PRRC2A: variants seen among roughly 807,000 people sequenced by gnomAD.
PRRC2A encodes the protein protein PRRC2A.
In PRRC2A, 59 loss-of-function variants were observed where a neutral mutation model predicts 224.6. The ratio of observed to expected loss-of-function variants is 0.26; its 90% CI spans 0.21 to 0.33. The LOEUF (loss-of-function observed/expected upper bound fraction) is 0.33, where lower values mean the gene tolerates loss of function less well. Ranked by LOEUF, PRRC2A falls within the 10% of genes least tolerant of loss-of-function variation. The pLI, the probability that PRRC2A is intolerant of heterozygous loss-of-function variation, is 1.00. For missense variants in PRRC2A, 3,095 were observed against 2,880.7 expected, an observed-to-expected ratio of 1.07 and a Z score of -1.70; for synonymous variants, 1,194 against 1,109.5, an observed-to-expected ratio of 1.08 and a Z score of -1.51.
At position 31,632,575 on chromosome 6, in the gene PRRC2A, G is replaced by C. The variant is rs771682422; in HGVS notation, c.3902G>C (p.Arg1301Pro). The C allele has an allele frequency of 3.7e-6, 6 of 1,612,676 alleles. No individual in the cohort carries two copies. The highest frequency in any genetic ancestry group is 2.2e-5 in the South Asian group (2 of 91,050). Residue 1301 changes from arginine (R) to proline (P), a missense_variant, in exon 16 of 31, where the codon CGG becomes CCG. This residue lies in a region of PRRC2A where 2,001 missense variants were observed against 1,764.9 expected (regional missense o/e 1.13). Coordinates refer to ENST00000376033, the MANE Select transcript of PRRC2A (RefSeq NM_004638.4). Reference protein sequence around the residue: ...TTVTVAPAPRRAAAKSPDLSN... With the variant: ...TTVTVAPAPRPAAAKSPDLSN... ...GTCACAGTGGCCCCAGCACCTCGCC[G>C]GGCAGCTGCCAAGTCTCCTGATCTG... is the stretch of plus-strand genomic sequence containing the variant.
Position 31,625,323 on chromosome 6 carries a change from C to CT in PRRC2A, c.607+10dup. 6.2e-7 allele frequency: 1 copy of CT among 1,614,010 alleles called. No homozygotes were observed. The highest frequency in any genetic ancestry group is 1.1e-5 in the South Asian group (1 of 91,084). On this transcript the variant is annotated intron_variant, in intron 6 of 30. Transcript: ENST00000376033. The surrounding 1 kb of genome is among the most constrained non-coding windows in gnomAD (Gnocchi z 4.1). ...AAGCCTCCGCCCCCAAAGTGAGTGG[C>CT]TGCCTTTTGGCCAAGACATTACCTA...
In PRRC2A at chr6:31,628,036, C is replaced by T. The variant is rs1335725582; in HGVS notation, c.1562C>T (p.Pro521Leu). 2 of 1,612,678 alleles carry T rather than the reference C, an allele frequency of 1.2e-6. No homozygotes were observed. Among genetic ancestry groups the T allele is most frequent in the Non-Finnish European group, 1.7e-6 (2 of 1,179,866 alleles). The part of the protein sequence containing the change: ...PPAAPSTPAP[P>L]PAVPKELPAP... ...GCTGCCCCTTCTACCCCAGCTCCAC[C>T]ACCTGCAGTCCCTAAAGAACTCCCT... is the stretch of plus-strand genomic sequence containing the variant. Residue 521 changes from proline (P) to leucine (L), a missense_variant, in exon 12 of 31, where the codon CCA (proline) becomes CTA (leucine). Coordinates refer to ENST00000376033, the MANE Select transcript of PRRC2A (RefSeq NM_004638.4).
At position 31,632,080 on chromosome 6, in the gene PRRC2A, C is replaced by T. The variant is rs1476292027; in HGVS notation, c.3407C>T (p.Pro1136Leu). Residue 1136 changes from proline (P) to leucine (L), a missense_variant, in exon 16 of 31, where the codon CCT becomes CTT. Physicochemically the swap from Pro to Leu is moderately conservative, Grantham distance 98 (BLOSUM62 -3). This residue lies in a region of PRRC2A where 2,001 missense variants were observed against 1,764.9 expected (regional missense o/e 1.13). Coordinates refer to ENST00000376033, the MANE Select transcript of PRRC2A (RefSeq NM_004638.4). ...TPKEGTLTQV[P>L]LAPPPPGAPP... ...AAGGAGGGAACACTCACCCAGGTCC[C>T]TCTCGCTCCCCCACCACCAGGAGCC... 4.5e-6 allele frequency: 7 copies of T among 1,554,762 alleles called. No individual in the cohort carries two copies. The highest frequency in any genetic ancestry group is 4.1e-5 in the African/African-American group (3 of 73,268).
At chr6:31,622,520 G>A (rs998807598) in intron 1 of PRRC2A, among the ~76,000 whole-genome samples, 170 bp from the exon 2 acceptor site, 3 of 152,200 alleles carry the variant, frequency 2.0e-5, no homozygotes, top group Non-Finnish European at 4.4e-5. Context: ...GTGTCTGGGG[G>A]AAAGGAGGGA....
rs1160752922 is a variant in PRRC2A, at chr6:31,620,841, C to T, written c.-118C>T. The stretch of plus-strand genomic sequence containing the variant: ...GAGCCCCTAGGCCCGGGTCCCGGAT[C>T]CCCGCGCACCCGGCCAGGTGAGTCT... On this transcript the variant is annotated 5_prime_UTR_variant, in exon 1 of 31. Transcript: ENST00000376033. 2.0e-5 allele frequency: 3 copies of T among 153,196 alleles called. No homozygotes were observed. The highest frequency in any genetic ancestry group is 7.2e-5 in the African/African-American group (3 of 41,462). The allele number at this position is 153,196 out of a possible 1,614,324, so 9.5% of individuals were successfully genotyped here.
Position 31,637,374 on chromosome 6 carries a change from G to C in PRRC2A, c.6333+50G>C, listed in dbSNP as rs1274892624. On this transcript the variant is annotated intron_variant, in intron 30 of 30. Coordinates refer to ENST00000376033, the MANE Select transcript of PRRC2A (RefSeq NM_004638.4). ...CAACTCTAAATTCGAGTTGCCACCT[G>C]ATTTCCTGTCCTTCCGTCTCATCGC... 7.5e-6 allele frequency: 12 copies of C among 1,602,222 alleles called. No homozygotes were observed. In the South Asian group the frequency reaches 1.3e-4, roughly 18 times the overall value.
In PRRC2A at chr6:31,631,408, GC is replaced by G; in HGVS notation, c.2741del (p.Pro914HisfsTer39). On this transcript the variant is annotated frameshift_variant, in exon 16 of 31. Coordinates refer to ENST00000376033, the MANE Select transcript of PRRC2A (RefSeq NM_004638.4). LOFTEE classifies it high-confidence loss of function. The surrounding 1 kb of genome is among the most constrained non-coding windows in gnomAD (Gnocchi z 4.5). ...CGCGGAGTCGGGAGTGGAGGCCAGG[GC>G]CCCCCACCACCACGCAGAGAGAGTC... The part of the protein sequence containing the change: ...PARGVGSGGQ[G>X]PPPPRRESRT... 1 of 1,608,966 alleles carries G rather than the reference GC, an allele frequency of 6.2e-7. No homozygotes were observed. The highest frequency in any genetic ancestry group is 8.5e-7 in the Non-Finnish European group (1 of 1,178,560).
Position 31,622,800 on chromosome 6 carries a change from G to C in PRRC2A, c.11G>C (p.Arg4Pro). The part of the protein sequence containing the change: MSD[R>P]SGPTAKGKDG... ...TGAGCTTCCAGCGCAATGTCCGATC[G>C]CTCGGGGCCGACTGCCAAGGGAAAG... Residue 4 changes from arginine to proline, a missense_variant, in exon 2 of 31, where the codon CGC becomes CCC. This residue lies in a region of PRRC2A where 64 missense variants were observed against 68.2 expected (regional missense o/e 0.94). Coordinates refer to ENST00000376033, the MANE Select transcript of PRRC2A (RefSeq NM_004638.4). 3 of 1,613,566 alleles carry C rather than the reference G, an allele frequency of 1.9e-6. No homozygotes were observed. Among genetic ancestry groups the C allele is most frequent in the Non-Finnish European group, 1.7e-6 (2 of 1,179,910 alleles).
At chr6:31,633,075 A>G in intron 16 of PRRC2A, 83 bp downstream of exon 16, 1 of 1,426,636 alleles carries the variant, frequency 7.0e-7, no homozygotes, top group Non-Finnish European at 9.2e-7. Flanking sequence ...GTTTGGGTGG[A>G]GTGGAGATTG....
At chr6:31,623,371 G>A (rs1023727709) in intron 2 of PRRC2A, among the ~76,000 whole-genome samples, 3 of 148,178 alleles carry the variant, frequency 2.0e-5, no homozygotes, top group Middle Eastern at 3.3e-3. Context: ...GGGTTTAAGC[G>A]ATTATCCTGC....
intron 2 of PRRC2A, chr6:31,623,220 A>G (rs1273046219): frequency 1.6e-6 from 1 of 638,514 alleles, no homozygotes; most frequent in Admixed American, 1.9e-5. Context: ...AAAGTATTGA[A>G]TGTTACATAT....
rs1166284569 is a variant in PRRC2A at position 31,622,860 on chromosome 6, A to T, written c.71A>T (p.Asp24Val). The T allele has an allele frequency of 6.2e-7, 1 of 1,613,960 alleles. No homozygotes were observed. The highest frequency in any genetic ancestry group is 8.5e-7 in the Non-Finnish European group (1 of 1,180,002). Residue 24 changes from aspartate to valine, a missense_variant, in exon 2 of 31, where the codon GAT becomes GTT. By Grantham distance (152) the Asp-to-Val change is radical. Coordinates refer to ENST00000376033, the MANE Select transcript of PRRC2A (RefSeq NM_004638.4). Reference sequence around the variant, plus strand: ...AAGTATTCCTCGCTCAACCTGTTTGATACGTATAAGGGCAAGTCCTTAGAG... The same window carrying T: ...AAGTATTCCTCGCTCAACCTGTTTGTTACGTATAAGGGCAAGTCCTTAGAG... ...GKKYSSLNLF[D>V]TYKGKSLEIQ...
At position 31,627,541 on chromosome 6, in the gene PRRC2A, C is replaced by T. The variant is rs1028972043; in HGVS notation, c.1291-224C>T. Among the ~76,000 whole-genome samples the T allele has an allele frequency of 4.6e-5, 7 of 152,112 alleles. No homozygotes were observed. Among genetic ancestry groups the T allele is most frequent in the Non-Finnish European group, 7.4e-5 (5 of 68,022 alleles). ...GTCCAAGCTACTCAGCAGGCTGAAG[C>T]AGAAGGATCACTTGAGCCCAAGTTC... is the stretch of plus-strand genomic sequence containing the variant. On this transcript the variant is annotated intron_variant, in intron 11 of 30. Coordinates refer to ENST00000376033, the MANE Select transcript of PRRC2A (RefSeq NM_004638.4). The surrounding 1 kb of genome is among the most constrained non-coding windows in gnomAD (Gnocchi z 5.6).
chr6:31,630,786 A>G lies in PRRC2A; in HGVS notation c.2450A>G (p.Asp817Gly). 1 of 1,614,122 alleles carries G rather than the reference A, an allele frequency of 6.2e-7. No homozygotes were observed. Among genetic ancestry groups the G allele is most frequent in the Non-Finnish European group, 8.5e-7 (1 of 1,180,002 alleles). ...TSPLRQAADEDDKGMRSETPP... is the reference protein window; with the variant it reads ...TSPLRQAADEGDKGMRSETPP... ...CCTCTGCGCCAGGCTGCGGATGAGG[A>G]TGACAAGGGGATGAGGTGAGTCTTG... is the stretch of plus-strand genomic sequence containing the variant. Residue 817 changes from aspartate (D) to glycine (G), a missense_variant, in exon 15 of 31, where the codon GAT (aspartate) becomes GGT (glycine). Around this residue, in one of 8 missense-constraint regions of PRRC2A, gnomAD observed 2,001 missense variants for 1,764.9 expected, o/e 1.13. Transcript: ENST00000376033.
At position 31,625,109 on chromosome 6, in the gene PRRC2A, C is replaced by A; in HGVS notation, c.464-62C>A. 6.4e-7 allele frequency: 1 copy of A among 1,564,806 alleles called. No individual in the cohort carries two copies. Among genetic ancestry groups the A allele is most frequent in the Non-Finnish European group, 8.7e-7 (1 of 1,148,470 alleles). On this transcript the variant is annotated intron_variant, in intron 5 of 30. Transcript: ENST00000376033. This position sits in a 1 kb window ranked among gnomAD's most constrained non-coding sequence, Gnocchi z 4.1. ...CACCGCGCCCAGCCAGAGTCTTCCA[C>A]TTTTATAGCATGTCCTCAGGAAATG...
intron 2 of PRRC2A, 98 bp downstream of exon 2, chr6:31,622,999 T>C: frequency 9.4e-7 from 1 of 1,061,256 alleles, no homozygotes; most frequent in Admixed American, 1.8e-5. Flanking sequence ...GTAGTAGAAA[T>C]ACCAAAAGAC....
Position 31,626,118 on chromosome 6 carries a change from A to G in PRRC2A, c.938A>G (p.Lys313Arg). The G allele has an allele frequency of 6.2e-7, 1 of 1,612,818 alleles. No homozygotes were observed. Among genetic ancestry groups the G allele is most frequent in the Non-Finnish European group, 8.5e-7 (1 of 1,179,822 alleles). The change falls in exon 9 of 31, where the codon AAA (lysine) becomes AGA (arginine). Residue 313 changes from lysine to arginine, a missense_variant. This residue lies in a region of PRRC2A where 287 missense variants were observed against 275.3 expected (regional missense o/e 1.04). Coordinates refer to ENST00000376033, the MANE Select transcript of PRRC2A (RefSeq NM_004638.4). The stretch of plus-strand genomic sequence containing the variant: ...TCTATTCTCAAAGAGGATAATCTCA[A>G]AGAGTTTGATCAGTTGGATCAGGAG... Reference protein sequence around the residue: ...RPSILKEDNLKEFDQLDQEND... With the variant: ...RPSILKEDNLREFDQLDQEND...
At position 31,631,984 on chromosome 6, in the gene PRRC2A, G is replaced by A. The variant is rs754652319; in HGVS notation, c.3311G>A (p.Arg1104Gln). 4.2e-5 allele frequency: 68 copies of A among 1,612,328 alleles called. No individual in the cohort carries two copies. Among genetic ancestry groups the A allele is most frequent in the Non-Finnish European group, 3.9e-5 (46 of 1,179,706 alleles). Reference sequence around the variant, plus strand: ...GAAATCCCCAAGCGGCGCCGGCAGCGGGGCTCAGAAACAGGCAGCGAGACC... The same window carrying A: ...GAAATCCCCAAGCGGCGCCGGCAGCAGGGCTCAGAAACAGGCAGCGAGACC... Reference protein sequence around the residue: ...YEEIPKRRRQRGSETGSETHE... With the variant: ...YEEIPKRRRQQGSETGSETHE... Residue 1104 changes from arginine (R) to glutamine (Q), a missense_variant, in exon 16 of 31, where the codon CGG (arginine) becomes CAG (glutamine). Arg to Gln is a conservative substitution (Grantham distance 43). Around this residue, in one of 8 missense-constraint regions of PRRC2A, gnomAD observed 2,001 missense variants for 1,764.9 expected, o/e 1.13. Transcript: ENST00000376033. This position sits in a 1 kb window ranked among gnomAD's most constrained non-coding sequence, Gnocchi z 4.5.
At position 31,626,026 on chromosome 6, in the gene PRRC2A, T is replaced by C. The variant is rs1775869977; in HGVS notation, c.846T>C (p.Phe282=). ...TTTTCTTTTTTGTGTACAGCCGTTTTCCCCGTGTGGCGGGCCCCCGAGGCT... is the reference window on the plus strand; with the variant it reads ...TTTTCTTTTTTGTGTACAGCCGTTTCCCCCGTGTGGCGGGCCCCCGAGGCT... The part of the protein sequence containing the change: ...RYPTPDGPSR[F]PRVAGPRGSG... Residue 282 remains phenylalanine (F), a synonymous_variant, in exon 9 of 31, where the codon TTT becomes TTC. Transcript: ENST00000376033. 1.2e-6 allele frequency: 2 copies of C among 1,612,188 alleles called. No homozygotes were observed. Among genetic ancestry groups the C allele is most frequent in the African/African-American group, 2.7e-5 (2 of 74,976 alleles).
Sources: allele counts gnomAD v4.1 joint callset (sites outside exome capture counted in the v4.1 genomes callset), GRCh38; gene constraint gnomAD v4.1.1; regional missense constraint gnomAD v4.1.1; non-coding constraint Gnocchi (gnomAD v3.1); transcripts MANE v1.5; gene names NCBI Gene and HGNC (gene_info 2026-07-23, HGNC 2026-07-21).